The following SLC25A26 variants were observed in gnomAD, a reference collection of about 807,000 sequenced individuals.
SLC25A26 encodes the protein mitochondrial S-adenosylmethionine carrier protein.
Under a neutral mutation model 37.8 loss-of-function variants are expected in SLC25A26, and 36 were observed. The ratio of observed to expected loss-of-function variants is 0.95; its 90% CI spans 0.73 to 1.26. The LOEUF (loss-of-function observed/expected upper bound fraction) is 1.26. Among genes scored for constraint, SLC25A26 ranks in the 50% most tolerant of loss-of-function variants. The pLI, the probability that SLC25A26 is intolerant of heterozygous loss-of-function variation, is 0.00. For missense variants in SLC25A26, 390 were observed against 331.1 expected (o/e 1.18, Z -1.38); for synonymous variants, 129 against 122.5 (o/e 1.05, Z -0.35).
At chr3:66,339,063 T>A (rs1175232031) in intron 5 of SLC25A26, among the ~76,000 whole-genome samples, 1 of 152,078 alleles carries the variant, frequency 6.6e-6, no homozygotes, top group Non-Finnish European at 1.5e-5. Flanking sequence ...CTGTTTTCAG[T>A]TATTTTGGCT....
intron 9 of SLC25A26, among the ~76,000 whole-genome samples, chr3:66,374,223 T>G (rs1387189518): frequency 1.4e-5 from 2 of 147,766 alleles, no homozygotes; most frequent in African/African-American, 4.9e-5. Context: ...GTGGCAACCC[T>G]GCGTTGAGCG....
intron 5 of SLC25A26, among the ~76,000 whole-genome samples, chr3:66,326,207 A>G (rs1405154218): frequency 6.6e-6 from 1 of 152,214 alleles, no homozygotes; most frequent in Non-Finnish European, 1.5e-5. Context: ...TGCCGGACAT[A>G]CAGAGTGCCT....
intron 2 of SLC25A26, among the ~76,000 whole-genome samples, chr3:66,239,805 T>G (rs1412233425): frequency 1.3e-5 from 2 of 148,256 alleles, no homozygotes; most frequent in Non-Finnish European, 1.5e-5. Flanking sequence ...GTTAATGAGT[T>G]TCCTTTCTTT....
At chr3:66,361,835 C>T (rs1216050433) in intron 6 of SLC25A26, among the ~76,000 whole-genome samples, 1 of 152,026 alleles carries the variant, frequency 6.6e-6, no homozygotes, top group African/African-American at 2.4e-5. Context: ...GGCGTGTTGG[C>T]AGGCGCCTGT....
intron 5 of SLC25A26, among the ~76,000 whole-genome samples, chr3:66,327,843 T>C (rs2075875944): frequency 6.6e-6 from 1 of 152,064 alleles, no homozygotes; most frequent in Admixed American, 6.6e-5. Context: ...TCCTGTGTTT[T>C]AATGTCTGTT....
intron 1 of SLC25A26, among the ~76,000 whole-genome samples, chr3:66,175,476 C>T (rs1270704673): frequency 6.6e-6 from 1 of 152,084 alleles, no homozygotes; most frequent in Non-Finnish European, 1.5e-5. Flanking sequence ...TCACCCGCCT[C>T]GGCCTCCCAA....
chr3:66,228,732 T>C (rs2071874362), intron 1 of SLC25A26, among the ~76,000 whole-genome samples: 1 of 152,364 alleles, frequency 6.6e-6, no homozygotes, highest in East Asian at 1.9e-4. Flanking sequence ...TATGCAACTT[T>C]TTCATAGCTG....
chr3:66,203,190 C>T (rs2071131851), intron 1 of SLC25A26, among the ~76,000 whole-genome samples: 1 of 151,972 alleles, frequency 6.6e-6, no homozygotes, highest in Admixed American at 6.6e-5. Flanking sequence ...AGACCAGTCT[C>T]AGCAACATGG....
chr3:66,371,247 C>G (rs1700329382), intron 9 of SLC25A26: 2 of 1,546,190 alleles, frequency 1.3e-6, no homozygotes, highest in Non-Finnish European at 1.7e-6. Flanking sequence ...GCAGTGGCCT[C>G]CCTTTGCAGA....
chr3:66,298,078 C>G (rs941280755), intron 5 of SLC25A26, among the ~76,000 whole-genome samples: 1 of 152,154 alleles, frequency 6.6e-6, no homozygotes, highest in African/African-American at 2.4e-5. Context: ...ATCTAAGTCC[C>G]CACTTGAGAT....
intron 1 of SLC25A26, among the ~76,000 whole-genome samples, chr3:66,167,845 T>C (rs1234659367): frequency 2.0e-5 from 3 of 152,156 alleles, no homozygotes; most frequent in Non-Finnish European, 2.9e-5. Flanking sequence ...GTTATTTCAA[T>C]ATGGGTTAAA....
chr3:66,206,900 T>C (rs1417130156), intron 1 of SLC25A26, among the ~76,000 whole-genome samples: 16 of 149,674 alleles, frequency 1.1e-4, no homozygotes, highest in Middle Eastern at 3.4e-3. Flanking sequence ...CTTTCTTTTT[T>C]TTTTTTTTTT....
At chr3:66,195,952 A>G (rs960684520) in intron 1 of SLC25A26, among the ~76,000 whole-genome samples, 90 of 152,346 alleles carry the variant, frequency 5.9e-4, no homozygotes, top group African/African-American at 2.1e-3. Flanking sequence ...CCTTTTGGCT[A>G]AGATCAAGCG....
intron 3 of SLC25A26, among the ~76,000 whole-genome samples, chr3:66,258,844 CTT>C (rs3031757): frequency 1.8e-4 from 25 of 138,206 alleles, no homozygotes; most frequent in Middle Eastern, 3.4e-3. Flanking sequence ...CTTTCCTTTT[CTT>C]TTTTTTTTTT....
chr3:66,322,458 T>C (rs2075721373), intron 5 of SLC25A26, among the ~76,000 whole-genome samples: 1 of 152,250 alleles, frequency 6.6e-6, no homozygotes, highest in Non-Finnish European at 1.5e-5. Context: ...AGTTTTCTTA[T>C]TAAGACAAAC....
At chr3:66,374,831 C>T (rs1471412523) in intron 9 of SLC25A26, among the ~76,000 whole-genome samples, 2 of 151,386 alleles carry the variant, frequency 1.3e-5, no homozygotes, top group Non-Finnish European at 2.9e-5. Flanking sequence ...CTGTGGGCCA[C>T]GATCGTGCCA....
At chr3:66,206,993 T>G (rs2071189298) in intron 1 of SLC25A26, among the ~76,000 whole-genome samples, 1 of 151,622 alleles carries the variant, frequency 6.6e-6, no homozygotes, top group South Asian at 2.1e-4. Flanking sequence ...CTGTCTGCCT[T>G]GGCCTCCCAC....
chr3:66,290,221 C>T (rs578121614), intron 5 of SLC25A26, among the ~76,000 whole-genome samples: 22 of 152,258 alleles, frequency 1.4e-4, no homozygotes, highest in Admixed American at 1.2e-3. Flanking sequence ...TGGGCAGAGT[C>T]GATGGGGTTT....
chr3:66,263,684 A>G (rs1237069744), intron 5 of SLC25A26, among the ~76,000 whole-genome samples: 1 of 152,028 alleles, frequency 6.6e-6, no homozygotes, highest in African/African-American at 2.4e-5. Context: ...TTTGAAATGC[A>G]GTCTCGCTCT....
Sources: allele counts gnomAD v4.1 joint callset (sites outside exome capture counted in the v4.1 genomes callset), GRCh38; gene constraint gnomAD v4.1.1; transcripts MANE v1.5; gene names NCBI Gene and HGNC (gene_info 2026-07-23, HGNC 2026-07-21).